CASZ1: variants seen among roughly 807,000 people sequenced by gnomAD.
The protein encoded by CASZ1 is zinc finger protein castor homolog 1.
Under a neutral mutation model 135.2 loss-of-function variants are expected in CASZ1, and 28 were observed. The ratio of observed to expected loss-of-function variants is 0.21; its 90% CI spans 0.15 to 0.28. CASZ1 has a LOEUF of 0.28. CASZ1 is among the 10% of genes least tolerant of loss of function. The pLI is 1.00. For missense variants in CASZ1, 2,161 were observed against 2,453.3 expected (o/e 0.88, Z 2.52); for synonymous variants, 1,068 against 1,073.4 (o/e 0.99, Z 0.10).
At chr1:10,664,275 G>A (rs183199164) in intron 5 of CASZ1, among the ~76,000 whole-genome samples, 2 of 152,258 alleles carry the variant, frequency 1.3e-5, no homozygotes, top group Non-Finnish European at 2.9e-5. Context: ...GAGGCCGGGG[G>A]CAGAGAGAAG....
chr1:10,731,408 C>A (rs1639700446), intron 2 of CASZ1, among the ~76,000 whole-genome samples: 1 of 151,846 alleles, frequency 6.6e-6, no homozygotes, highest in African/African-American at 2.4e-5. Flanking sequence ...CACAGTGAGA[C>A]CTTATCTCTA....
rs1642768408 is a variant in CASZ1, at chr1:10,655,806, G to GTC, written c.1507_1508insGA (p.Thr503ArgfsTer7). On this transcript the variant is annotated frameshift_variant, in exon 9 of 21. Coordinates refer to ENST00000377022, the MANE Select transcript of CASZ1 (RefSeq NM_001079843.3). LOFTEE classifies it high-confidence loss of function. ...GTGGCGGATCACGTCCTGCTTACTC[G>GTC]TGAACCTCTGCCAGGAGACAGCGCC... The GTC allele has an allele frequency of 6.2e-7, 1 of 1,613,552 alleles. No individual in the cohort carries two copies. The highest frequency in any genetic ancestry group is 1.7e-5 in the Admixed American group (1 of 60,004).
chr1:10,663,711 C>T (rs1393688880), intron 5 of CASZ1, among the ~76,000 whole-genome samples: 1 of 152,218 alleles, frequency 6.6e-6, no homozygotes, highest in Non-Finnish European at 1.5e-5. Context: ...GGGGCCGAGC[C>T]CACAGAGGCA....
chr1:10,681,727 G>A lies in CASZ1; in HGVS notation c.16+12147C>T, dbSNP rs187605199. On this transcript the variant is annotated intron_variant, in intron 4 of 20. Coordinates refer to ENST00000377022, the MANE Select transcript of CASZ1 (RefSeq NM_001079843.3). ...AGAAAACCCAGTGCTTCTGGAGCTCGTTAGGGTGGCGCTGGGCCCCAGGGA... is the reference window on the plus strand; with the variant it reads ...AGAAAACCCAGTGCTTCTGGAGCTCATTAGGGTGGCGCTGGGCCCCAGGGA... 1.2e-3 allele frequency among the ~76,000 whole-genome samples: 181 copies of A among 152,340 alleles called. 2 individuals are homozygous for A. Among genetic ancestry groups the A allele is most frequent in the African/African-American group, 4.2e-3 (176 of 41,588 alleles).
chr1:10,660,399 G>C lies in CASZ1; in HGVS notation c.643C>G (p.Pro215Ala). 1 of 1,614,164 alleles carries C rather than the reference G, an allele frequency of 6.2e-7. No individual in the cohort carries two copies. The highest frequency in any genetic ancestry group is 1.1e-5 in the South Asian group (1 of 91,078). Residue 215 changes from proline (P) to alanine (A), a missense_variant, in exon 6 of 21, where the codon CCG becomes GCG. Physicochemically the swap from Pro to Ala is conservative, Grantham distance 27 (BLOSUM62 -1). Coordinates refer to ENST00000377022, the MANE Select transcript of CASZ1 (RefSeq NM_001079843.3). The stretch of plus-strand genomic sequence containing the variant: ...AGCATGGAGGAGGTGGCTGCCTCCG[G>C]GGTGGAGCCCGCGTGCAGCTTCTCA... ...SFEKLHAGST[P>A]EAATSSMLPT...
intron 2 of CASZ1, among the ~76,000 whole-genome samples, chr1:10,760,282 G>A (rs562146624): frequency 2.4e-4 from 37 of 152,326 alleles, no homozygotes; most frequent in African/African-American, 8.7e-4. Context: ...CTTCTAAGAC[G>A]AAGTTCCAAC....
intron 2 of CASZ1, among the ~76,000 whole-genome samples, chr1:10,745,494 C>T (rs563208284): frequency 6.6e-6 from 1 of 152,298 alleles, no homozygotes; most frequent in Admixed American, 6.5e-5. Flanking sequence ...TGGGCAGGGC[C>T]GGCTTCCTGG....
rs79177945 is a variant in CASZ1, at chr1:10,658,263, G to A, written c.1409+245C>T. On this transcript the variant is annotated intron_variant, in intron 7 of 20. Transcript: ENST00000377022. ...TGGCCAGGCCCTGCGTCGGGACCCCGGCCCTAACTGGGGGCACAGGCTGCT... is the reference window on the plus strand; with the variant it reads ...TGGCCAGGCCCTGCGTCGGGACCCCAGCCCTAACTGGGGGCACAGGCTGCT... 3,943 of 510,492 alleles carry A rather than the reference G, an allele frequency of 7.7e-3. 24 individuals are homozygous for A. Among genetic ancestry groups the A allele is most frequent in the Middle Eastern group, 0.015 (30 of 1,944 alleles). The allele number at this position is 510,492 out of a possible 1,614,324, so 31.6% of individuals were successfully genotyped here. A position where few individuals can be genotyped will look rare whatever the true frequency, so the allele number is the denominator to read the frequency against.
At chr1:10,644,412 C>G (rs1336990750) in intron 18 of CASZ1, among the ~76,000 whole-genome samples, 2 of 151,992 alleles carry the variant, frequency 1.3e-5, no homozygotes, top group African/African-American at 4.8e-5. Context: ...TGAGTCGCCA[C>G]CACTGTCACC....
chr1:10,667,800 C>T (rs71509068), intron 4 of CASZ1, among the ~76,000 whole-genome samples: 4,001 of 151,972 alleles, frequency 0.026, 85 homozygotes, highest in Non-Finnish European at 0.042. Context: ...GACGCCCCCT[C>T]CCCGGGCCCC....
chr1:10,724,642 C>T lies in CASZ1; in HGVS notation c.-76-19098G>A, dbSNP rs1639562973. On this transcript the variant is annotated intron_variant, in intron 2 of 20. Transcript: ENST00000377022. The surrounding 1 kb of genome is among the most constrained non-coding windows in gnomAD (Gnocchi z 4.1). ...TAGAGGTTAGAGAAGCACTTCTCCCCCAGCCAAAGCAAGCAGGGCCTAGCA... is the reference window on the plus strand; with the variant it reads ...TAGAGGTTAGAGAAGCACTTCTCCCTCAGCCAAAGCAAGCAGGGCCTAGCA... Among the ~76,000 whole-genome samples the T allele has an allele frequency of 6.6e-6, 1 of 152,184 alleles. No individual in the cohort carries two copies. The highest frequency in any genetic ancestry group is 1.5e-5 in the Non-Finnish European group (1 of 68,028).
intron 2 of CASZ1, among the ~76,000 whole-genome samples, chr1:10,729,585 G>A (rs922475086): frequency 6.6e-6 from 1 of 152,236 alleles, no homozygotes; most frequent in Non-Finnish European, 1.5e-5. Flanking sequence ...TTCGCAAAGC[G>A]TGGTCCGCAG....
rs1335530321 is a variant in CASZ1, at chr1:10,776,304, A to G, written c.-233-15447T>C. Among the ~76,000 whole-genome samples the G allele has an allele frequency of 1.3e-5, 2 of 152,216 alleles. No homozygotes were observed. The highest frequency in any genetic ancestry group is 2.9e-5 in the Non-Finnish European group (2 of 68,028). ...TTACATTCTCATCCCCTTAATCTCC[A>G]TAGTAGTGGCTTCAAAATCATTCCT... On this transcript the variant is annotated intron_variant, in intron 1 of 20. Transcript: ENST00000377022. The surrounding 1 kb of genome is among the most constrained non-coding windows in gnomAD (Gnocchi z 4.1).
chr1:10,685,263 C>G (rs561042758), intron 4 of CASZ1, among the ~76,000 whole-genome samples: 44 of 152,308 alleles, frequency 2.9e-4, no homozygotes, highest in African/African-American at 1.1e-3. Flanking sequence ...CTGGGGAGAA[C>G]TGGGAGGGAA....
intron 1 of CASZ1, among the ~76,000 whole-genome samples, chr1:10,766,037 CCTAGGTGAAG>C (rs928776672): frequency 2.6e-5 from 4 of 152,292 alleles, no homozygotes; most frequent in African/African-American, 9.6e-5. Context: ...TTCACAGCAG[CCTAGGTGAAG>C]CTTGGGTGAG....
chr1:10,673,084 G>A (rs944285726), intron 4 of CASZ1, among the ~76,000 whole-genome samples: 4 of 152,108 alleles, frequency 2.6e-5, no homozygotes, highest in African/African-American at 9.7e-5. Flanking sequence ...CGAGGGGGGC[G>A]GGAGCCTGGG....
At chr1:10,668,373 C>G (rs1457728771) in intron 4 of CASZ1, among the ~76,000 whole-genome samples, 3 of 152,248 alleles carry the variant, frequency 2.0e-5, no homozygotes, top group Non-Finnish European at 2.9e-5. Context: ...CCGGCCCTGT[C>G]ACTGCCCCTT....
intron 1 of CASZ1, among the ~76,000 whole-genome samples, chr1:10,773,661 G>A (rs1022985200): frequency 6.6e-6 from 1 of 152,048 alleles, no homozygotes; most frequent in African/African-American, 2.4e-5. Context: ...CCAGGCAACG[G>A]GCTCCCCCAA....
Position 10,668,147 on chromosome 1 carries a change from C to T in CASZ1, c.17-2576G>A, listed in dbSNP as rs1048656454. ...GGGCTTAGGTTTGTAAGTGCGAGCG[C>T]GTGTGAGGCTGGGCGGCGGGAACAG... is the stretch of plus-strand genomic sequence containing the variant. On this transcript the variant is annotated intron_variant, in intron 4 of 20. Coordinates refer to ENST00000377022, the MANE Select transcript of CASZ1 (RefSeq NM_001079843.3). Among the ~76,000 whole-genome samples, 5 of 152,126 alleles carry T rather than the reference C, an allele frequency of 3.3e-5. No individual in the cohort carries two copies. In the East Asian group the frequency reaches 5.8e-4, roughly 18 times the overall value.
Sources: gnomAD v4.1 joint callset for allele counts (sites outside exome capture counted in the v4.1 genomes callset) on GRCh38, gnomAD v4.1.1 for gene constraint, Gnocchi (gnomAD v3.1) non-coding constraint, MANE v1.5 for transcripts, NCBI Gene and HGNC (gene_info 2026-07-23, HGNC 2026-07-21) for gene names.